Variants in ADGRA3 observed in about 807,000 individuals in gnomAD.
ADGRA3 encodes the protein G-protein coupled receptor 125.
ADGRA3 carries 56 observed loss-of-function variants against 119.8 expected under a neutral mutation model. The ratio of observed to expected loss-of-function variants is 0.47; its 90% CI spans 0.38 to 0.58. The LOEUF is 0.58. Ranked by LOEUF, ADGRA3 falls within the 20% of genes least tolerant of loss-of-function variation. ADGRA3 has a pLI of 0.00. For synonymous variants in ADGRA3, 607 were observed against 623.8 expected (o/e 0.97, Z 0.40); for missense variants, 1,516 against 1,649.0 (o/e 0.92, Z 1.40).
intron 5 of ADGRA3, among the ~76,000 whole-genome samples, chr4:22,446,625 G>A (rs1371340639): frequency 6.6e-6 from 1 of 152,076 alleles, no homozygotes; most frequent in Non-Finnish European, 1.5e-5. Flanking sequence ...TCCCAAGGAA[G>A]ACTCCTAAAT....
intron 2 of ADGRA3, among the ~76,000 whole-genome samples, chr4:22,466,786 C>T (rs1188726590): frequency 6.6e-6 from 1 of 152,104 alleles, no homozygotes; most frequent in African/African-American, 2.4e-5. Flanking sequence ...GTACCAAGTG[C>T]ACCTCAGTTA....
chr4:22,397,070 G>A (rs1714385885), intron 16 of ADGRA3, among the ~76,000 whole-genome samples: 1 of 151,926 alleles, frequency 6.6e-6, no homozygotes, highest in African/African-American at 2.4e-5. Flanking sequence ...GCAGACAGAG[G>A]CTTCTTTTTG....
At chr4:22,484,884 C>A (rs566436011) in intron 1 of ADGRA3, among the ~76,000 whole-genome samples, 1 of 150,570 alleles carries the variant, frequency 6.6e-6, no homozygotes, top group Admixed American at 6.6e-5. Context: ...TTTTTTTTTT[C>A]TCCATCTGCT....
At chr4:22,502,133 T>C (rs1462403316) in intron 1 of ADGRA3, among the ~76,000 whole-genome samples, 1 of 152,174 alleles carries the variant, frequency 6.6e-6, no homozygotes, top group Non-Finnish European at 1.5e-5. Flanking sequence ...AGGGAAACCA[T>C]GCAGCCAAGC....
intron 1 of ADGRA3, among the ~76,000 whole-genome samples, chr4:22,493,731 T>C (rs1718709813): frequency 6.6e-6 from 1 of 152,172 alleles, no homozygotes; most frequent in Admixed American, 6.5e-5. Context: ...CCATCTTGAA[T>C]AGGAGCTAGG....
At chr4:22,499,940 T>G (rs1421451614) in intron 1 of ADGRA3, among the ~76,000 whole-genome samples, 1 of 152,180 alleles carries the variant, frequency 6.6e-6, no homozygotes, top group Non-Finnish European at 1.5e-5. Context: ...TTCGCCTTTT[T>G]TCAGAATTTG....
intron 12 of ADGRA3, among the ~76,000 whole-genome samples, chr4:22,415,489 C>G (rs1433544726): frequency 6.6e-6 from 1 of 152,084 alleles, no homozygotes; most frequent in Non-Finnish European, 1.5e-5. Context: ...AATTTATTCA[C>G]TAATCTAGAT....
At chr4:22,469,180 C>A (rs1259456815) in intron 2 of ADGRA3, among the ~76,000 whole-genome samples, 1 of 152,196 alleles carries the variant, frequency 6.6e-6, no homozygotes, top group Non-Finnish European at 1.5e-5. Flanking sequence ...GGTGTCCCTG[C>A]ACACTCTACT....
In ADGRA3 at chr4:22,390,320, T is replaced by TTATA. The variant is rs34566272; in HGVS notation, c.2628-1141_2628-1138dup. 1.2e-4 allele frequency among the ~76,000 whole-genome samples: 13 copies of TTATA among 106,266 alleles called. 2 individuals carry two copies. The highest frequency in any genetic ancestry group is 2.9e-4 in the African/African-American group (6 of 20,920). The allele number at this position is 106,266 out of a possible 152,430, so 69.7% of individuals were successfully genotyped here. ...TATTTCTAGCATGCTTCTCTACTGC[T>TTATA]TATATATATATATATATAAAATACA... On this transcript the variant is annotated intron_variant, in intron 17 of 18. Coordinates refer to ENST00000334304, the MANE Select transcript of ADGRA3 (RefSeq NM_145290.4).
In ADGRA3 at chr4:22,416,589, C is replaced by T. The variant is rs1159143433; in HGVS notation, c.1810-2775G>A. ...CAAGCACAAAAGTCTAGGGAACTGT[C>T]GGTGGTATTTTTTACTGTTGTTACT... is the stretch of plus-strand genomic sequence containing the variant. On this transcript the variant is annotated intron_variant, in intron 12 of 18. Transcript: ENST00000334304. Among the ~76,000 whole-genome samples, 8 of 152,032 alleles carry T rather than the reference C, an allele frequency of 5.3e-5. 1 individual carries two copies. The highest frequency in any genetic ancestry group is 3.3e-4 in the Admixed American group (5 of 15,228).
intron 1 of ADGRA3, among the ~76,000 whole-genome samples, chr4:22,509,098 C>A (rs1719345188): frequency 6.6e-6 from 1 of 152,148 alleles, no homozygotes; most frequent in East Asian, 1.9e-4. Flanking sequence ...AGCTAGTGAA[C>A]AGAACATGGA....
chr4:22,484,923 C>CTTAATTCTT (rs1718383362), intron 1 of ADGRA3, among the ~76,000 whole-genome samples: 1 of 152,032 alleles, frequency 6.6e-6, no homozygotes, highest in South Asian at 2.1e-4. Context: ...TCTCTTAGTT[C>CTTAATTCTT]CAACCTTCAC....
At chr4:22,445,960 T>C (rs7657782) in intron 5 of ADGRA3, among the ~76,000 whole-genome samples, 3,426 of 152,304 alleles carry the variant, frequency 0.022, 129 homozygotes, top group African/African-American at 0.079. Flanking sequence ...TAAGTCCAGC[T>C]AATAACAATG....
chr4:22,428,349 G>GAAAA (rs35955836), intron 10 of ADGRA3, among the ~76,000 whole-genome samples: 7 of 146,460 alleles, frequency 4.8e-5, no homozygotes, highest in Admixed American at 1.4e-4. Flanking sequence ...GGTAAAATAA[G>GAAAA]AAAAAAAAAA....
intron 4 of ADGRA3, among the ~76,000 whole-genome samples, chr4:22,449,178 G>A (rs1037626953): frequency 1.3e-5 from 2 of 151,658 alleles, no homozygotes; most frequent in Non-Finnish European, 2.9e-5. Context: ...GCTGAGACAC[G>A]AGAATGACTT....
chr4:22,432,490 A>G (rs1345799680), intron 10 of ADGRA3, among the ~76,000 whole-genome samples: 7 of 152,216 alleles, frequency 4.6e-5, no homozygotes, highest in Non-Finnish European at 8.8e-5. Flanking sequence ...TTTAAAATCA[A>G]TGAAAAAGCC....
intron 10 of ADGRA3, among the ~76,000 whole-genome samples, chr4:22,432,664 T>C (rs1716234855): frequency 1.3e-5 from 2 of 152,146 alleles, no homozygotes; most frequent in Admixed American, 1.3e-4. Context: ...ATAAGAAAAA[T>C]CACTTTAGTA....
chr4:22,394,171 C>T (rs972535417), intron 16 of ADGRA3: 1 of 151,992 alleles, frequency 6.6e-6, no homozygotes, highest in Admixed American at 6.6e-5. Flanking sequence ...GATGCCTCTC[C>T]AACCTCAAGA....
chr4:22,513,693 G>C (rs1160452761), intron 1 of ADGRA3, among the ~76,000 whole-genome samples: 1 of 148,384 alleles, frequency 6.7e-6, no homozygotes, highest in Non-Finnish European at 1.5e-5. Context: ...TGTATTTTTA[G>C]TAGAGACAGG....
Sources: allele counts gnomAD v4.1 joint callset (sites outside exome capture counted in the v4.1 genomes callset), GRCh38; gene constraint gnomAD v4.1.1; transcripts MANE v1.5; gene names NCBI Gene and HGNC (gene_info 2026-07-23, HGNC 2026-07-21).